ZNF81: variants seen among roughly 807,000 people sequenced by gnomAD.
ZNF81 encodes the protein zinc finger protein 81 (HFZ20).
ZNF81 carries 5 observed loss-of-function variants against 32.3 expected under a neutral mutation model. That is an observed-to-expected ratio of 0.15 (90% CI 0.08 to 0.33). The LOEUF (loss-of-function observed/expected upper bound fraction) is 0.33. Ranked by LOEUF, ZNF81 falls within the 10% of genes least tolerant of loss-of-function variation. ZNF81 has a pLI of 1.00. For synonymous variants in ZNF81, 163 were observed against 166.8 expected (o/e 0.98, Z 0.17); for missense variants, 379 against 479.8 (o/e 0.79, Z 1.96).
chrX:47,837,084 T>C (rs1388287505), intron 1 of ZNF81, 97 bp downstream of exon 1: 2 of 133,272 alleles, frequency 1.5e-5, no homozygotes, highest in Non-Finnish European at 3.1e-5. Flanking sequence ...ACTCATCATT[T>C]TGCAGGCTTT....
intron 4 of ZNF81, among the ~76,000 whole-genome samples, chrX:47,897,601 G>A (rs782132832): frequency 1.8e-5 from 2 of 111,969 alleles, no homozygotes; most frequent in Non-Finnish European, 3.8e-5. Context: ...TACCTTTTGC[G>A]ATCTGTTTAA....
intron 2 of ZNF81, among the ~76,000 whole-genome samples, chrX:47,851,868 A>G (rs1292985436): frequency 8.9e-6 from 1 of 112,093 alleles, no homozygotes; most frequent in African/African-American, 3.2e-5. Context: ...TATTGTTGTA[A>G]AGCCTTAGCC....
intron 2 of ZNF81, among the ~76,000 whole-genome samples, chrX:47,872,033 G>A (rs782715643): frequency 1.4e-4 from 16 of 112,216 alleles, no homozygotes; most frequent in Non-Finnish European, 2.1e-4. Context: ...AAGCCTCTTC[G>A]GATTCTAGGG....
At chrX:47,914,794 T>C in intron 4 of ZNF81, 130 bp from the exon 5 acceptor site, 1 of 625,310 alleles carries the variant, frequency 1.6e-6, no homozygotes, top group Non-Finnish European at 2.4e-6. Flanking sequence ...TATATATGTA[T>C]TTCCTGTCAT....
At chrX:47,840,937 A>G (rs1427148356) in intron 1 of ZNF81, 5 of 494,947 alleles carry the variant, frequency 1.0e-5, no homozygotes, top group East Asian at 3.7e-5. Flanking sequence ...CATTGATACA[A>G]ATTTACTGCA....
intron 1 of ZNF81, chrX:47,842,850 T>A (rs2058455420): frequency 8.9e-6 from 1 of 112,150 alleles, no homozygotes; most frequent in Non-Finnish European, 1.9e-5. Flanking sequence ...GGTCTTGAAC[T>A]CCTGGCCTCA....
At chrX:47,905,490 C>T (rs1603207095) in intron 4 of ZNF81, among the ~76,000 whole-genome samples, 1 of 104,223 alleles carries the variant, frequency 9.6e-6, no homozygotes, top group East Asian at 3.1e-4. Context: ...TTATATATAT[C>T]TACCAGAAAA....
rs1556891012 is a variant in ZNF81 at position 47,916,725 on chromosome X, A to G, written c.*93A>G. 3.3e-6 allele frequency: 3 copies of G among 918,954 alleles called. No homozygotes were observed. In the African/African-American group the frequency reaches 6.0e-5, roughly 18 times the overall value. 75.7% of individuals were successfully genotyped at this position (918,954 alleles called of 1,213,427 possible). A position where few individuals can be genotyped will look rare whatever the true frequency, so the allele number is the denominator to read the frequency against. On this transcript the variant is annotated 3_prime_UTR_variant, in exon 5 of 5. Coordinates refer to ENST00000338637, the MANE Select transcript of ZNF81 (RefSeq NM_007137.5). ...ATAAAATTCATCCAAGACAGATCCT[A>G]TATGAATACATTGTATAAGGAAAAG...
rs782182289 is a variant in ZNF81 at position 47,915,242 on chromosome X, T to A, written c.596T>A (p.Phe199Tyr). ...PHKRDSFGKSFKHNLDLHIHN... is the reference protein window; with the variant it reads ...PHKRDSFGKSYKHNLDLHIHN... ...AAACGTGATTCATTTGGGAAGAGTT[T>A]TAAGCATAATTTAGACTTACATATT... Residue 199 changes from phenylalanine (F) to tyrosine (Y), a missense_variant, in exon 5 of 5, where the codon TTT (phenylalanine) becomes TAT (tyrosine). Phe to Tyr is a conservative substitution (Grantham distance 22). Coordinates refer to ENST00000338637, the MANE Select transcript of ZNF81 (RefSeq NM_007137.5). The A allele has an allele frequency of 3.1e-5, 37 of 1,209,289 alleles. No individual in the cohort carries two copies. The South Asian group carries it at 5.6e-4, about 18-fold the overall frequency.
chrX:47,855,487 C>G (rs1377615489), intron 2 of ZNF81, among the ~76,000 whole-genome samples: 1 of 111,230 alleles, frequency 9.0e-6, no homozygotes. Context: ...GGACCTTATC[C>G]TGTTCCATTG....
intron 4 of ZNF81, among the ~76,000 whole-genome samples, chrX:47,905,962 C>A (rs1260736913): frequency 1.8e-5 from 2 of 108,132 alleles, no homozygotes; most frequent in Non-Finnish European, 3.8e-5. Context: ...ATAGTCCTGT[C>A]TATACTGATC....
At chrX:47,882,482 G>A (rs1453437994) in intron 2 of ZNF81, among the ~76,000 whole-genome samples, 1 of 111,977 alleles carries the variant, frequency 8.9e-6, no homozygotes, top group African/African-American at 3.3e-5. Context: ...TTGTTGCTGA[G>A]TATTCCATTG....
intron 3 of ZNF81, among the ~76,000 whole-genome samples, chrX:47,888,406 A>G (rs1390952720): frequency 2.7e-5 from 3 of 110,975 alleles, no homozygotes; most frequent in Non-Finnish European, 5.7e-5. Flanking sequence ...GGAAGACAAT[A>G]TGAAGATACA....
chrX:47,867,702 C>T lies in ZNF81; in HGVS notation c.55-20297C>T, dbSNP rs1374577713. On this transcript the variant is annotated intron_variant, in intron 2 of 4. Transcript: ENST00000338637. ...AAGCACATTCTTGATTAGCAACGTG[C>T]AGAAATTCTCATTTCCTGATATATT... 5.3e-5 allele frequency among the ~76,000 whole-genome samples: 6 copies of T among 112,233 alleles called. No homozygotes were observed. In the Admixed American group the frequency reaches 5.7e-4, roughly 11 times the overall value.
intron 2 of ZNF81, among the ~76,000 whole-genome samples, chrX:47,865,269 C>G (rs2058555734): frequency 8.9e-6 from 1 of 112,047 alleles, no homozygotes; most frequent in Non-Finnish European, 1.9e-5. Context: ...TGTTAGTCAT[C>G]AAGTCTGAAT....
Position 47,888,288 on chromosome X carries a change from G to T in ZNF81, c.181+163G>T. On this transcript the variant is annotated intron_variant, in intron 3 of 4. Coordinates refer to ENST00000338637, the MANE Select transcript of ZNF81 (RefSeq NM_007137.5). Reference sequence around the variant, plus strand: ...AATCAAGCTAAAATGAGATCATTAGGGTGGGCTTTAATCTAATATAATTGG... The same window carrying T: ...AATCAAGCTAAAATGAGATCATTAGTGTGGGCTTTAATCTAATATAATTGG... 4.1e-6 allele frequency: 3 copies of T among 740,120 alleles called. No individual in the cohort carries two copies. The South Asian group carries it at 8.0e-5, about 20-fold the overall frequency. The allele number at this position is 740,120 out of a possible 1,213,427, so 61.0% of individuals were successfully genotyped here. A position where few individuals can be genotyped will look rare whatever the true frequency, so the allele number is the denominator to read the frequency against.
intron 4 of ZNF81, 81 bp from the exon 5 acceptor site, chrX:47,914,843 A>G: frequency 1.0e-6 from 1 of 959,284 alleles, no homozygotes; most frequent in African/African-American, 1.9e-5. Flanking sequence ...CATGTGTTCA[A>G]TTTGTATTAG....
chrX:47,889,850 G>A (rs1460033360), intron 3 of ZNF81, among the ~76,000 whole-genome samples: 2 of 109,998 alleles, frequency 1.8e-5, no homozygotes, highest in East Asian at 2.9e-4. Context: ...CAGATCTCAC[G>A]AGAACTCACT....
chrX:47,882,081 G>A (rs1417150703), intron 2 of ZNF81, among the ~76,000 whole-genome samples: 1 of 111,195 alleles, frequency 9.0e-6, no homozygotes, highest in Non-Finnish European at 1.9e-5. Context: ...GTTTTTTGTG[G>A]TTTTTGAAAT....
Sources: gnomAD v4.1 joint callset for allele counts (sites outside exome capture counted in the v4.1 genomes callset) on GRCh38, gnomAD v4.1.1 for gene constraint, MANE v1.5 for transcripts, NCBI Gene and HGNC (gene_info 2026-07-23, HGNC 2026-07-21) for gene names.